The following RBMS3 variants were observed in gnomAD, a reference collection of about 807,000 sequenced individuals.
RBMS3 encodes RNA-binding motif, single-stranded-interacting protein 3.
In RBMS3, 27 loss-of-function variants were observed where a neutral mutation model predicts 66.8. The observed-to-expected ratio is 0.40, with a 90% CI of 0.30 to 0.56. The LOEUF (loss-of-function observed/expected upper bound fraction) is 0.56, where lower values mean the gene tolerates loss of function less well. Ranked by LOEUF, RBMS3 falls within the 20% of genes least tolerant of loss-of-function variation. The pLI is 0.40. For missense variants in RBMS3, 513 were observed against 549.5 expected, an observed-to-expected ratio of 0.93 and a Z score of 0.66; for synonymous variants, 188 against 183.0, an observed-to-expected ratio of 1.03 and a Z score of -0.22.
chr3:29,829,052 T>TC (rs2058292877), intron 6 of RBMS3, among the ~76,000 whole-genome samples: 1 of 142,036 alleles, frequency 7.0e-6, no homozygotes, highest in African/African-American at 2.6e-5. Context: ...CTTTCTTTTG[T>TC]TTTGTTTTTT....
chr3:29,577,460 C>A (rs1473414342), intron 3 of RBMS3, among the ~76,000 whole-genome samples: 1 of 152,198 alleles, frequency 6.6e-6, no homozygotes, highest in Non-Finnish European at 1.5e-5. Flanking sequence ...TGGCTCTGAG[C>A]CCAGTCCAGC....
intron 6 of RBMS3, among the ~76,000 whole-genome samples, chr3:29,768,783 G>A (rs1448474003): frequency 6.6e-6 from 1 of 151,926 alleles, no homozygotes; most frequent in Non-Finnish European, 1.5e-5. Flanking sequence ...AGGGTTCCTT[G>A]AGAGGTTATC....
At chr3:29,601,563 A>G (rs1199075766) in intron 4 of RBMS3, among the ~76,000 whole-genome samples, 1 of 152,036 alleles carries the variant, frequency 6.6e-6, no homozygotes, top group Non-Finnish European at 1.5e-5. Flanking sequence ...TATGCATTCT[A>G]AAAATTAAAG....
At chr3:29,439,870 A>G (rs971522860) in intron 2 of RBMS3, among the ~76,000 whole-genome samples, 1 of 152,210 alleles carries the variant, frequency 6.6e-6, no homozygotes, top group Non-Finnish European at 1.5e-5. Context: ...CCAACTGATT[A>G]TACAGATTTA....
chr3:29,641,018 A>C (rs1192587150), intron 4 of RBMS3: 2 of 152,020 alleles, frequency 1.3e-5, no homozygotes, highest in Admixed American at 6.6e-5. Flanking sequence ...TAAATTAGCT[A>C]TGAAATGTAT....
At chr3:29,608,759 TAGCTGAGAGGGCA>T (rs2048394907) in intron 4 of RBMS3, among the ~76,000 whole-genome samples, 1 of 152,010 alleles carries the variant, frequency 6.6e-6, no homozygotes, top group Admixed American at 6.6e-5. Context: ...TTAACTAGAA[TAGCTGAGAGGGCA>T]AGAGATCCAA....
intron 6 of RBMS3, among the ~76,000 whole-genome samples, chr3:29,815,552 C>G (rs1490213366): frequency 6.6e-6 from 1 of 151,832 alleles, no homozygotes; most frequent in African/African-American, 2.4e-5. Flanking sequence ...GGGTTGTCAA[C>G]AAGTGGGTAA....
intron 6 of RBMS3, among the ~76,000 whole-genome samples, chr3:29,808,893 T>A (rs2057641134): frequency 6.6e-6 from 1 of 151,944 alleles, no homozygotes. Context: ...AGTTTAGACT[T>A]ACTTTAAAAG....
intron 6 of RBMS3, among the ~76,000 whole-genome samples, chr3:29,837,903 A>G (rs1353001295): frequency 1.3e-5 from 2 of 151,152 alleles, no homozygotes; most frequent in Admixed American, 1.3e-4. Flanking sequence ...TGCATTCCAC[A>G]TGTTTCCTTA....
At chr3:29,496,773 T>C (rs1172257795) in intron 3 of RBMS3, among the ~76,000 whole-genome samples, 1 of 152,252 alleles carries the variant, frequency 6.6e-6, no homozygotes, top group African/African-American at 2.4e-5. Context: ...TAGGTATTTA[T>C]GTTTTGGAAG....
intron 2 of RBMS3, among the ~76,000 whole-genome samples, chr3:29,453,795 C>A (rs2042088462): frequency 6.6e-6 from 1 of 152,202 alleles, no homozygotes; most frequent in Admixed American, 6.5e-5. Flanking sequence ...GCTGGCATTC[C>A]ACGCTAGCCA....
At chr3:29,720,647 A>G (rs73829323) in intron 4 of RBMS3, among the ~76,000 whole-genome samples, 6,533 of 151,602 alleles carry the variant, frequency 0.043, 449 homozygotes, top group African/African-American at 0.15. Flanking sequence ...TGTTCTCACT[A>G]AAGTGTGTGG....
At chr3:29,976,709 C>A (rs1280249674) in intron 12 of RBMS3, among the ~76,000 whole-genome samples, 1 of 152,122 alleles carries the variant, frequency 6.6e-6, no homozygotes, top group Non-Finnish European at 1.5e-5. Context: ...CTTAGAATTT[C>A]ACTTGAGGCA....
intron 3 of RBMS3, among the ~76,000 whole-genome samples, chr3:29,515,501 G>T (rs1322598283): frequency 6.6e-6 from 1 of 152,208 alleles, no homozygotes. Flanking sequence ...TTCTGGCAAA[G>T]AATTTGGAAT....
At chr3:29,617,042 T>C in intron 4 of RBMS3, 1 of 152,096 alleles carries the variant, frequency 6.6e-6, no homozygotes, top group Non-Finnish European at 1.5e-5. Flanking sequence ...GGGACATCAC[T>C]AAATGAATGA....
intron 4 of RBMS3, among the ~76,000 whole-genome samples, chr3:29,704,548 C>G (rs1372802517): frequency 6.6e-6 from 1 of 152,172 alleles, no homozygotes; most frequent in African/African-American, 2.4e-5. Context: ...GTTGCCTCAT[C>G]TGTAAAACGG....
At chr3:29,785,583 A>G (rs773979342) in intron 6 of RBMS3, among the ~76,000 whole-genome samples, 3 of 152,110 alleles carry the variant, frequency 2.0e-5, no homozygotes, top group Non-Finnish European at 2.9e-5. Flanking sequence ...AACAGAATTA[A>G]AAGCAAAAAT....
intron 14 of RBMS3, among the ~76,000 whole-genome samples, chr3:30,003,032 T>C (rs62235547): frequency 0.013 from 2,025 of 152,114 alleles, 14 homozygotes; most frequent in African/African-American, 0.017. Flanking sequence ...TGGCATCCAA[T>C]ACCCTGAGCA....
At chr3:29,309,620 GT>G in intron 1 of RBMS3, among the ~76,000 whole-genome samples, 1 of 151,590 alleles carries the variant, frequency 6.6e-6, no homozygotes, top group Non-Finnish European at 1.5e-5. Context: ...GGGGGGGGCG[GT>G]GGTGGCGGTG....
Sources: gnomAD v4.1 joint callset for allele counts (sites outside exome capture counted in the v4.1 genomes callset) on GRCh38, gnomAD v4.1.1 for gene constraint, MANE v1.5 for transcripts, NCBI Gene and HGNC (gene_info 2026-07-23, HGNC 2026-07-21) for gene names.